SELENOF: variants seen among roughly 807,000 people sequenced by gnomAD.
SELENOF encodes selenoprotein F.
Under a neutral mutation model 20.5 loss-of-function variants are expected in SELENOF, and 16 were observed. The ratio of observed to expected loss-of-function variants is 0.78; its 90% CI spans 0.53 to 1.19. SELENOF has a LOEUF of 1.19. Among genes scored for constraint, SELENOF ranks in the 50% most tolerant of loss-of-function variants. The probability of loss-of-function intolerance (pLI) is 0.00; values close to 1 mark genes in which losing one functional copy is unlikely to be tolerated. For synonymous variants in SELENOF, 78 were observed against 74.5 expected (o/e 1.05, Z -0.24); for missense variants, 215 against 194.2 (o/e 1.11, Z -0.64).
rs1659627417 is a variant in SELENOF, at chr1:86,899,596, C to G, written c.252+3685G>C. Among the ~76,000 whole-genome samples the G allele has an allele frequency of 2.0e-5, 3 of 150,716 alleles. No homozygotes were observed. The South Asian group carries it at 6.3e-4, about 32-fold the overall frequency. ...GCGGCTGGCCGGGCAGGGGGCTGAC[C>G]CCCCAACCTCCCTCCCAGACGGGGC... On this transcript the variant is annotated intron_variant, in intron 2 of 4. Coordinates refer to ENST00000331835, the MANE Select transcript of SELENOF (RefSeq NM_004261.5).
intron 3 of SELENOF, among the ~76,000 whole-genome samples, chr1:86,873,545 G>T (rs914609027): frequency 6.6e-6 from 1 of 151,942 alleles, no homozygotes; most frequent in Admixed American, 6.6e-5. Context: ...TGAATGTTTA[G>T]TTTTATATAA....
At chr1:86,864,839 G>A (rs1435215274) in intron 4 of SELENOF, among the ~76,000 whole-genome samples, 2 of 151,862 alleles carry the variant, frequency 1.3e-5, no homozygotes, top group African/African-American at 4.8e-5. Flanking sequence ...TCACCATGTT[G>A]GCCAGGTTGG....
chr1:86,863,822 CAT>C (rs1190891931), intron 4 of SELENOF, among the ~76,000 whole-genome samples: 24 of 152,138 alleles, frequency 1.6e-4, no homozygotes, highest in African/African-American at 4.8e-4. Context: ...TTCATTCATT[CAT>C]TCATTCATGA....
At chr1:86,877,695 C>T (rs1036083942) in intron 3 of SELENOF, among the ~76,000 whole-genome samples, 4 of 151,926 alleles carry the variant, frequency 2.6e-5, no homozygotes, top group Non-Finnish European at 4.4e-5. Context: ...TGCGTCTGAA[C>T]GTTTATGATT....
At chr1:86,908,012 A>T (rs1659876496) in intron 1 of SELENOF, among the ~76,000 whole-genome samples, 1 of 151,372 alleles carries the variant, frequency 6.6e-6, no homozygotes, top group African/African-American at 2.4e-5. Flanking sequence ...AAAAAAAACC[A>T]AGGCTCTATT....
At chr1:86,907,089 C>A (rs1213526665) in intron 1 of SELENOF, among the ~76,000 whole-genome samples, 1 of 152,192 alleles carries the variant, frequency 6.6e-6, no homozygotes, top group East Asian at 1.9e-4. Context: ...TCATGTATTT[C>A]AAAGTCTTAA....
At chr1:86,908,327 C>T (rs1659883629) in intron 1 of SELENOF, among the ~76,000 whole-genome samples, 1 of 152,110 alleles carries the variant, frequency 6.6e-6, no homozygotes, top group African/African-American at 2.4e-5. Context: ...AGAAACATGG[C>T]CATTACAGCA....
In SELENOF at chr1:86,862,596, A is replaced by G. The variant is rs543066842; in HGVS notation, c.*878T>C. ...GCACTATTACCAACAATAAGATGTTATAAGTTTTAAATATTACAGCCATTT... is the reference window on the plus strand; with the variant it reads ...GCACTATTACCAACAATAAGATGTTGTAAGTTTTAAATATTACAGCCATTT... On this transcript the variant is annotated 3_prime_UTR_variant, in exon 5 of 5. Coordinates refer to ENST00000331835, the MANE Select transcript of SELENOF (RefSeq NM_004261.5). The G allele has an allele frequency of 4.3e-4, 65 of 152,334 alleles. No homozygotes were observed. The South Asian group carries it at 8.7e-3, about 20-fold the overall frequency. 9.4% of individuals were successfully genotyped at this position (152,334 alleles called of 1,614,324 possible). A position where few individuals can be genotyped will look rare whatever the true frequency, so the allele number is the denominator to read the frequency against.
At chr1:86,912,533 G>A (rs1027194724) in intron 1 of SELENOF, among the ~76,000 whole-genome samples, 2 of 152,170 alleles carry the variant, frequency 1.3e-5, no homozygotes, top group South Asian at 2.1e-4. Context: ...TGAGAAATAT[G>A]TGATGGAAGT....
intron 3 of SELENOF, among the ~76,000 whole-genome samples, chr1:86,871,901 TA>T: frequency 6.6e-6 from 1 of 152,198 alleles, no homozygotes; most frequent in South Asian, 2.1e-4. Flanking sequence ...AAATAGCAAA[TA>T]AAGTCCAAGA....
chr1:86,872,104 A>C lies in SELENOF; in HGVS notation c.317-4002T>G, dbSNP rs186604588. On this transcript the variant is annotated intron_variant, in intron 3 of 4. Coordinates refer to ENST00000331835, the MANE Select transcript of SELENOF (RefSeq NM_004261.5). ...GTATTTTTAAATGATTTTATGAATAATTTTACAAAAGAAAGGGATAGTGAA... is the reference window on the plus strand; with the variant it reads ...GTATTTTTAAATGATTTTATGAATACTTTTACAAAAGAAAGGGATAGTGAA... Among the ~76,000 whole-genome samples the C allele has an allele frequency of 1.9e-3, 287 of 152,332 alleles. 1 individual carries two copies. Among genetic ancestry groups the C allele is most frequent in the Admixed American group, 5.2e-3 (80 of 15,290 alleles).
chr1:86,889,230 A>G (rs1373140945), intron 2 of SELENOF, among the ~76,000 whole-genome samples: 2 of 152,174 alleles, frequency 1.3e-5, no homozygotes, highest in Non-Finnish European at 2.9e-5. Flanking sequence ...CAGCCAAATA[A>G]AATTCATGGC....
At chr1:86,907,337 T>C (rs1659855863) in intron 1 of SELENOF, among the ~76,000 whole-genome samples, 1 of 152,188 alleles carries the variant, frequency 6.6e-6, no homozygotes, top group Non-Finnish European at 1.5e-5. Context: ...ATACTAGACA[T>C]GGGATAAAAG....
chr1:86,886,878 T>C (rs1659232791), intron 2 of SELENOF, among the ~76,000 whole-genome samples: 1 of 152,152 alleles, frequency 6.6e-6, no homozygotes, highest in Non-Finnish European at 1.5e-5. Flanking sequence ...TATTTAGATA[T>C]TCCAATGAAA....
chr1:86,914,033 G>A lies in SELENOF; in HGVS notation c.79C>T (p.Gln27Ter). The A allele has an allele frequency of 6.2e-7, 1 of 1,613,856 alleles. No individual in the cohort carries two copies. ...GLRLLLATVL[Q>*]AVSAFGAEFS... ...CGAAGGTGATCTACACTCACCGCTT[G>A]AAGCACAGTCGCCAACAACAACCGT... Residue 27 changes from glutamine to a stop codon, truncating the protein, a stop_gained, in exon 1 of 5, where the codon CAA (glutamine) becomes TAA (stop). Coordinates refer to ENST00000331835, the MANE Select transcript of SELENOF (RefSeq NM_004261.5). LOFTEE classifies it high-confidence loss of function.
chr1:86,867,954 CAT>C (rs1325001136), intron 4 of SELENOF, 97 bp downstream of exon 4: 27 of 492,564 alleles, frequency 5.5e-5, no homozygotes, highest in Non-Finnish European at 9.1e-5. Context: ...AATATTTGCA[CAT>C]GTTTATGGGG....
Position 86,880,723 on chromosome 1 carries a change from C to T in SELENOF, c.255G>A (p.Leu85=), listed in dbSNP as rs1390049049. The T allele has an allele frequency of 1.9e-6, 3 of 1,576,204 alleles. No homozygotes were observed. Among genetic ancestry groups the T allele is most frequent in the South Asian group, 2.4e-5 (2 of 83,480 alleles). The part of the protein sequence containing the change: ...QEEAQFETKK[L]YAGAILEVCG... The stretch of plus-strand genomic sequence containing the variant: ...AAACTTCAAGAATAGCTCCTGCATA[C>T]AGCTACAAAAGGAAAAACAGGAATT... Residue 85 remains leucine, a splice_region_variant and synonymous_variant, in exon 3 of 5, where the codon CTG becomes CTA. Coordinates refer to ENST00000331835, the MANE Select transcript of SELENOF (RefSeq NM_004261.5).
At chr1:86,896,530 T>A (rs963701350) in intron 2 of SELENOF, among the ~76,000 whole-genome samples, 1 of 152,224 alleles carries the variant, frequency 6.6e-6, no homozygotes, top group Non-Finnish European at 1.5e-5. Context: ...AATATTTATA[T>A]GTATCCCAAG....
At chr1:86,877,204 C>T (rs1245130065) in intron 3 of SELENOF, among the ~76,000 whole-genome samples, 2 of 152,154 alleles carry the variant, frequency 1.3e-5, no homozygotes, top group African/African-American at 2.4e-5. Context: ...CAGACACATA[C>T]TAAGTGACTT....
Sources: gnomAD v4.1 joint callset for allele counts (sites outside exome capture counted in the v4.1 genomes callset) on GRCh38, gnomAD v4.1.1 for gene constraint, MANE v1.5 for transcripts, NCBI Gene and HGNC (gene_info 2026-07-23, HGNC 2026-07-21) for gene names.